The following GRB14 variants were observed in gnomAD, a reference collection of about 807,000 sequenced individuals.
The protein encoded by GRB14 is growth factor receptor-bound protein 14.
Under a neutral mutation model 69.1 loss-of-function variants are expected in GRB14, and 38 were observed. That is an observed-to-expected ratio of 0.55 (90% confidence interval 0.42 to 0.72). GRB14 has a LOEUF of 0.72. Ranked by LOEUF, GRB14 falls within the 30% of genes least tolerant of loss-of-function variation. GRB14 has a pLI of 0.00. For synonymous variants in GRB14, 247 were observed against 241.3 expected (o/e 1.02, Z -0.22); for missense variants, 666 against 666.1 (o/e 1.00, Z 0.00).
At chr2:164,570,380 G>A (rs937389514) in intron 2 of GRB14, among the ~76,000 whole-genome samples, 1 of 150,388 alleles carries the variant, frequency 6.6e-6, no homozygotes, top group Admixed American at 6.7e-5. Flanking sequence ...ATCAAGCAAA[G>A]TACTATTTGC....
In GRB14 at chr2:164,555,269, G is replaced by A. The variant is rs114873437; in HGVS notation, c.325-7453C>T. ...AATGAATTCAGCATTGTCAATGGTC[G>A]TTTGAGAATGTCACGGAGCAGAAGA... On this transcript the variant is annotated intron_variant, in intron 2 of 13. Coordinates refer to ENST00000263915, the MANE Select transcript of GRB14 (RefSeq NM_004490.3). 3.5e-3 allele frequency among the ~76,000 whole-genome samples: 530 copies of A among 152,288 alleles called. 3 individuals carry two copies. Among genetic ancestry groups the A allele is most frequent in the South Asian group, 0.011 (53 of 4,822 alleles).
At chr2:164,521,429 T>C (rs1476062955) in intron 6 of GRB14, among the ~76,000 whole-genome samples, 1 of 152,082 alleles carries the variant, frequency 6.6e-6, no homozygotes, top group African/African-American at 2.4e-5. Context: ...TGCCTGTTGA[T>C]GCGTGCACCA....
intron 4 of GRB14, 77 bp downstream of exon 4, chr2:164,526,937 T>C: frequency 9.8e-7 from 1 of 1,017,596 alleles, no homozygotes; most frequent in Non-Finnish European, 1.4e-6. Context: ...GTATTTTATT[T>C]ACAGTGACTA....
At position 164,533,752 on chromosome 2, in the gene GRB14, A is replaced by G. The variant is rs797018230; in HGVS notation, c.482-6617T>C. On this transcript the variant is annotated intron_variant, in intron 3 of 13. Transcript: ENST00000263915. ...TGACAAATGTGTAACTAAAGAACTAAGCAGGTTCGGTGGCTCATGCCCATA... is the reference window on the plus strand; with the variant it reads ...TGACAAATGTGTAACTAAAGAACTAGGCAGGTTCGGTGGCTCATGCCCATA... Among the ~76,000 whole-genome samples, 7 of 152,294 alleles carry G rather than the reference A, an allele frequency of 4.6e-5. 1 individual carries two copies. Among genetic ancestry groups the G allele is most frequent in the African/African-American group, 1.4e-4 (6 of 41,576 alleles).
intron 1 of GRB14, 102 bp from the exon 2 acceptor site, chr2:164,619,921 G>A: frequency 1.1e-6 from 1 of 894,388 alleles, no homozygotes; most frequent in Non-Finnish European, 1.8e-6. Flanking sequence ...GTACCACTCT[G>A]TGACAAGGCT....
intron 2 of GRB14, among the ~76,000 whole-genome samples, chr2:164,596,545 A>T (rs972120219): frequency 2.6e-5 from 4 of 152,224 alleles, no homozygotes; most frequent in Non-Finnish European, 4.4e-5. Context: ...TTATTTTAAA[A>T]TTACTATGTA....
intron 2 of GRB14, among the ~76,000 whole-genome samples, chr2:164,558,370 A>G (rs1029935115): frequency 2.0e-5 from 3 of 152,224 alleles, no homozygotes; most frequent in African/African-American, 7.2e-5. Context: ...TTCATTATAA[A>G]AGAAAGCAAA....
chr2:164,518,867 T>C (rs976844828), intron 6 of GRB14, among the ~76,000 whole-genome samples: 1 of 151,804 alleles, frequency 6.6e-6, no homozygotes, highest in Non-Finnish European at 1.5e-5. Context: ...GAGATTAAAA[T>C]GGTAATAAAA....
chr2:164,589,382 A>G (rs922059902), intron 2 of GRB14, among the ~76,000 whole-genome samples: 1 of 152,162 alleles, frequency 6.6e-6, no homozygotes, highest in Non-Finnish European at 1.5e-5. Flanking sequence ...TTACAAAGGA[A>G]TACCCAAGAC....
chr2:164,497,401 A>C lies in GRB14; in HGVS notation c.1194T>G (p.Val398=). The C allele has an allele frequency of 6.2e-7, 1 of 1,613,450 alleles. No homozygotes were observed. Residue 398 remains valine, a synonymous_variant, in exon 10 of 14, where the codon GTT becomes GTG. Coordinates refer to ENST00000263915, the MANE Select transcript of GRB14 (RefSeq NM_004490.3). ...VIENPTEALS[V]AVEEGLAWRK... The stretch of plus-strand genomic sequence containing the variant: ...TCCAAGCGAGTCCTTCTTCAACCGC[A>C]ACTGAAAGGGCTTCAGTGGGATTTT...
intron 2 of GRB14, among the ~76,000 whole-genome samples, chr2:164,602,234 T>C (rs932507489): frequency 1.3e-5 from 2 of 151,872 alleles, no homozygotes; most frequent in Admixed American, 1.3e-4. Context: ...CTGCAAACCT[T>C]GCCTCTGCCA....
Position 164,497,003 on chromosome 2 carries a change from C to T in GRB14, c.1382+5G>A, listed in dbSNP as rs764208753. 1 of 1,611,448 alleles carries T rather than the reference C, an allele frequency of 6.2e-7. No homozygotes were observed. The highest frequency in any genetic ancestry group is 8.5e-7 in the Non-Finnish European group (1 of 1,177,666). ...AGTACTCAAAATTAAAAATACCAAACTTACCCATCCACAAGTCCTTGCTGA... is the reference window on the plus strand; with the variant it reads ...AGTACTCAAAATTAAAAATACCAAATTTACCCATCCACAAGTCCTTGCTGA... On this transcript the variant is annotated splice_donor_5th_base_variant and intron_variant, in intron 12 of 13. Transcript: ENST00000263915.
chr2:164,611,424 T>C (rs887558337), intron 2 of GRB14, among the ~76,000 whole-genome samples: 1 of 152,018 alleles, frequency 6.6e-6, no homozygotes, highest in East Asian at 1.9e-4. Context: ...GAAGCAGTAC[T>C]TAACAAGAAC....
chr2:164,526,593 T>A (rs1687780584), intron 4 of GRB14, among the ~76,000 whole-genome samples: 1 of 152,086 alleles, frequency 6.6e-6, no homozygotes, highest in African/African-American at 2.4e-5. Context: ...TAGAAAGCTA[T>A]TTAAATTTCC....
chr2:164,548,854 G>A (rs1159856658), intron 2 of GRB14, among the ~76,000 whole-genome samples: 1 of 151,952 alleles, frequency 6.6e-6, no homozygotes, highest in Non-Finnish European at 1.5e-5. Flanking sequence ...CCATTTTTAT[G>A]TCTATTCAGG....
chr2:164,606,369 C>T (rs951783864), intron 2 of GRB14, among the ~76,000 whole-genome samples: 3 of 152,132 alleles, frequency 2.0e-5, no homozygotes, highest in Admixed American at 6.5e-5. Context: ...AAATTACATC[C>T]TTCAACTTTA....
intron 9 of GRB14, among the ~76,000 whole-genome samples, chr2:164,499,041 G>C (rs1686981450): frequency 6.6e-6 from 1 of 152,070 alleles, no homozygotes. Context: ...AGACCAGTCA[G>C]ATATACTTGT....
At chr2:164,549,595 G>A (rs931536575) in intron 2 of GRB14, among the ~76,000 whole-genome samples, 16 of 152,096 alleles carry the variant, frequency 1.1e-4, no homozygotes, top group Admixed American at 9.2e-4. Context: ...GGGCACAGTG[G>A]CTCACATCTG....
At chr2:164,516,658 C>T (rs1175676476) in intron 6 of GRB14, among the ~76,000 whole-genome samples, 1 of 152,112 alleles carries the variant, frequency 6.6e-6, no homozygotes, top group Non-Finnish European at 1.5e-5. Flanking sequence ...CAAACAAGTG[C>T]TGAAAAAATT....
Sources: allele counts gnomAD v4.1 joint callset (sites outside exome capture counted in the v4.1 genomes callset), GRCh38; gene constraint gnomAD v4.1.1; transcripts MANE v1.5; gene names NCBI Gene and HGNC (gene_info 2026-07-23, HGNC 2026-07-21).